Variants in PTPRM observed in about 807,000 individuals in gnomAD.
The protein encoded by PTPRM is protein tyrosine phosphatase receptor type M.
In PTPRM, 47 loss-of-function variants were observed where a neutral mutation model predicts 186.7. The observed-to-expected ratio is 0.25, with a 90% CI of 0.20 to 0.32. The LOEUF (loss-of-function observed/expected upper bound fraction) is 0.32, where lower values mean the gene tolerates loss of function less well. Ranked by LOEUF, PTPRM falls within the 10% of genes least tolerant of loss-of-function variation. PTPRM has a pLI of 1.00. For missense variants in PTPRM, 1,494 were observed against 1,865.0 expected (o/e 0.80, Z 3.66); for synonymous variants, 668 against 674.9 (o/e 0.99, Z 0.16).
intron 14 of PTPRM, among the ~76,000 whole-genome samples, chr18:8,232,506 T>A (rs2094298882): frequency 6.6e-6 from 1 of 152,232 alleles, no homozygotes; most frequent in South Asian, 2.1e-4. Context: ...AATATGTTAA[T>A]GTTGTAGGAA....
chr18:8,280,665 G>A (rs1332823667), intron 19 of PTPRM, among the ~76,000 whole-genome samples: 1 of 152,190 alleles, frequency 6.6e-6, no homozygotes, highest in African/African-American at 2.4e-5. Context: ...CTCGTTGCAA[G>A]TGCTCAATAG....
In PTPRM at chr18:8,282,876, A is replaced by G. The variant is rs944932719; in HGVS notation, c.2755-13492A>G. Among the ~76,000 whole-genome samples the G allele has an allele frequency of 1.6e-4, 25 of 152,332 alleles. 1 individual carries two copies. In the South Asian group the frequency reaches 3.3e-3, roughly 20 times the overall value. The stretch of plus-strand genomic sequence containing the variant: ...TGACTAGACAAACTCTAGTACATCC[A>G]TATACCATGGAATATTACTGAGCTG... On this transcript the variant is annotated intron_variant, in intron 19 of 32. Coordinates refer to ENST00000580170, the MANE Select transcript of PTPRM (RefSeq NM_001105244.2).
At chr18:8,250,586 C>T (rs1158095288) in intron 17 of PTPRM, among the ~76,000 whole-genome samples, 1 of 151,908 alleles carries the variant, frequency 6.6e-6, no homozygotes, top group Non-Finnish European at 1.5e-5. Context: ...TCAAGACCAG[C>T]CTCCGCAACA....
chr18:8,227,351 G>A (rs1389245219), intron 14 of PTPRM, among the ~76,000 whole-genome samples: 1 of 151,936 alleles, frequency 6.6e-6, no homozygotes, highest in Non-Finnish European at 1.5e-5. Context: ...CAGTTGCCAG[G>A]GCTCCTGAAC....
chr18:7,993,506 C>T (rs1202263539), intron 7 of PTPRM, among the ~76,000 whole-genome samples: 1 of 151,918 alleles, frequency 6.6e-6, no homozygotes, highest in African/African-American at 2.4e-5. Context: ...AAGAGAATTC[C>T]CATCAGATTA....
chr18:7,845,724 T>A (rs1234990174), intron 2 of PTPRM, among the ~76,000 whole-genome samples: 1 of 152,196 alleles, frequency 6.6e-6, no homozygotes, highest in Non-Finnish European at 1.5e-5. Context: ...GAAATAAGAC[T>A]TCCTTATCTT....
intron 14 of PTPRM, among the ~76,000 whole-genome samples, chr18:8,205,108 C>A (rs1408030803): frequency 6.6e-6 from 1 of 152,018 alleles, no homozygotes; most frequent in African/African-American, 2.4e-5. Context: ...GCCTTAGGAA[C>A]AAAATATGTT....
chr18:8,011,191 C>CTA (rs2084505565), intron 7 of PTPRM, among the ~76,000 whole-genome samples: 1 of 152,130 alleles, frequency 6.6e-6, no homozygotes, highest in South Asian at 2.1e-4. Flanking sequence ...TGAAATTATA[C>CTA]AAGGACAGAT....
At chr18:8,318,763 T>C (rs2095327117) in intron 21 of PTPRM, among the ~76,000 whole-genome samples, 2 of 152,254 alleles carry the variant, frequency 1.3e-5, no homozygotes, top group South Asian at 2.1e-4. Flanking sequence ...ACTATTGATA[T>C]AACTGTCTAT....
At chr18:8,327,710 T>C (rs2095386562) in intron 22 of PTPRM, among the ~76,000 whole-genome samples, 3 of 152,186 alleles carry the variant, frequency 2.0e-5, no homozygotes, top group Admixed American at 2.0e-4. Flanking sequence ...ACTATTTCTG[T>C]TTCAAGTTAA....
chr18:8,189,045 C>T (rs1419681792), intron 14 of PTPRM, among the ~76,000 whole-genome samples: 2 of 152,102 alleles, frequency 1.3e-5, no homozygotes, highest in Non-Finnish European at 2.9e-5. Context: ...GTGGCTCACA[C>T]CTGTAATCCT....
At chr18:8,275,767 G>A (rs968864596) in intron 19 of PTPRM, among the ~76,000 whole-genome samples, 1 of 152,168 alleles carries the variant, frequency 6.6e-6, no homozygotes, top group Non-Finnish European at 1.5e-5. Flanking sequence ...TTTTCACTGT[G>A]TTCTAGAACT....
At chr18:7,660,411 G>A (rs1014301993) in intron 1 of PTPRM, among the ~76,000 whole-genome samples, 2 of 152,076 alleles carry the variant, frequency 1.3e-5, no homozygotes, top group Admixed American at 1.3e-4. Context: ...AGAGGTTTTT[G>A]TATGGTGGCC....
intron 1 of PTPRM, among the ~76,000 whole-genome samples, chr18:7,667,511 GA>G (rs1268964230): frequency 1.3e-5 from 2 of 152,208 alleles, no homozygotes; most frequent in African/African-American, 2.4e-5. Context: ...TAACTGTGAA[GA>G]AGCCAGAAAG....
chr18:7,715,333 A>G (rs957576043), intron 1 of PTPRM, among the ~76,000 whole-genome samples: 1 of 152,200 alleles, frequency 6.6e-6, no homozygotes, highest in African/African-American at 2.4e-5. Flanking sequence ...CTCTTAATAA[A>G]CTAGGTATTG....
At chr18:8,185,413 C>T (rs769229193) in intron 14 of PTPRM, among the ~76,000 whole-genome samples, 1 of 152,226 alleles carries the variant, frequency 6.6e-6, no homozygotes, top group African/African-American at 2.4e-5. Context: ...AGCTGATCAC[C>T]TTGCTCGGGG....
At chr18:8,123,240 G>T (rs1343486395) in intron 13 of PTPRM, among the ~76,000 whole-genome samples, 2 of 152,208 alleles carry the variant, frequency 1.3e-5, no homozygotes, top group Non-Finnish European at 2.9e-5. Context: ...CCTGCTTACA[G>T]TCTAGGCCTG....
intron 2 of PTPRM, among the ~76,000 whole-genome samples, chr18:7,838,302 G>A (rs773547411): frequency 2.6e-4 from 39 of 152,134 alleles, no homozygotes; most frequent in Non-Finnish European, 1.3e-4. Context: ...AAGCAGGATG[G>A]GGTAACTGTC....
chr18:7,798,840 T>G (rs2043806436), intron 2 of PTPRM, among the ~76,000 whole-genome samples: 1 of 152,206 alleles, frequency 6.6e-6, no homozygotes, highest in Non-Finnish European at 1.5e-5. Context: ...GTACCTTTGT[T>G]AAATAAATGT....
Sources: gnomAD v4.1 joint callset for allele counts (sites outside exome capture counted in the v4.1 genomes callset) on GRCh38, gnomAD v4.1.1 for gene constraint, MANE v1.5 for transcripts, NCBI Gene and HGNC (gene_info 2026-07-23, HGNC 2026-07-21) for gene names.